The following LYZL2 variants were observed in gnomAD, a reference collection of about 807,000 sequenced individuals.
The protein encoded by LYZL2 is lysozyme-like protein 2.
A neutral mutation model predicts 17.1 loss-of-function variants in LYZL2; 13 were observed. The observed-to-expected ratio is 0.76, with a 90% CI of 0.49 to 1.21. The LOEUF (loss-of-function observed/expected upper bound fraction) is 1.21. LYZL2 is among the 50% of genes most tolerant of loss of function. The pLI is 0.00. For missense variants in LYZL2, 166 were observed against 189.2 expected, an observed-to-expected ratio of 0.88 and a Z score of 0.72; for synonymous variants, 63 against 74.4, an observed-to-expected ratio of 0.85 and a Z score of 0.79.
intron 3 of LYZL2, among the ~76,000 whole-genome samples, chr10:30,621,176 C>T (rs1007026147): frequency 1.1e-4 from 16 of 152,090 alleles, no homozygotes; most frequent in Admixed American, 7.9e-4. Flanking sequence ...AAGAGAAAAT[C>T]TTAAAAACAA....
chr10:30,615,859 G>A (rs1838519806), intron 3 of LYZL2, among the ~76,000 whole-genome samples: 1 of 149,652 alleles, frequency 6.7e-6, no homozygotes. Flanking sequence ...TGTCATCATG[G>A]AAAGTTCTAT....
chr10:30,618,763 T>C (rs1838574334), intron 3 of LYZL2, among the ~76,000 whole-genome samples: 1 of 152,174 alleles, frequency 6.6e-6, no homozygotes, highest in South Asian at 2.1e-4. Flanking sequence ...GACATAGGCA[T>C]GGGCAAGGAC....
chr10:30,611,701 A>AAAAAGAAAGAAAGAAAGAAAG, downstream of LYZL2: 1 of 314,334 alleles, frequency 3.2e-6, no homozygotes, highest in East Asian at 6.1e-5. Context: ...AGAAAGAAAG[A>AAAAAGAAAGAAAGAAAGAAAG]AAAAGAAAGA....
At chr10:30,621,515 T>A (rs1838618822) in intron 3 of LYZL2, among the ~76,000 whole-genome samples, 1 of 151,270 alleles carries the variant, frequency 6.6e-6, no homozygotes, top group Non-Finnish European at 1.5e-5. Context: ...GTCCAGGAGG[T>A]CAAGGCTGCA....
chr10:30,622,896 G>A (rs143627808), intron 3 of LYZL2, among the ~76,000 whole-genome samples: 4 of 152,170 alleles, frequency 2.6e-5, no homozygotes, highest in Non-Finnish European at 4.4e-5. Flanking sequence ...AACTCTACAT[G>A]ACTTATAAAT....
chr10:30,629,424 A>G (rs932212829), intron 1 of LYZL2, among the ~76,000 whole-genome samples, 169 bp downstream of exon 1: 4 of 152,098 alleles, frequency 2.6e-5, no homozygotes, highest in African/African-American at 9.7e-5. Context: ...AGAGCTTACA[A>G]ATAAGGTTGG....
In LYZL2 at chr10:30,622,895, T is replaced by C. The variant is rs565139037; in HGVS notation, c.298+3210A>G. Among the ~76,000 whole-genome samples the C allele has an allele frequency of 8.5e-5, 13 of 152,366 alleles. No homozygotes were observed. The South Asian group carries it at 2.5e-3, about 29-fold the overall frequency. ...TATAAAAGCAACACATAACTCTACA[T>C]GACTTATAAATAATTCACCTTAAAT... On this transcript the variant is annotated intron_variant, in intron 3 of 4. Coordinates refer to ENST00000647634, the MANE Select transcript of LYZL2 (RefSeq NM_183058.3).
chr10:30,611,776 G>T, downstream of LYZL2: 1 of 949,046 alleles, frequency 1.1e-6, no homozygotes, highest in Non-Finnish European at 1.5e-6. Flanking sequence ...AAAGGGAACC[G>T]AGTCAGGGTG....
downstream of LYZL2, among the ~76,000 whole-genome samples, chr10:30,610,341 A>G (rs1213452903): frequency 6.6e-6 from 1 of 152,140 alleles, no homozygotes; most frequent in African/African-American, 2.4e-5. Context: ...AAAAGCTTCA[A>G]TTGAAAAAAA....
rs531632371 is a variant in LYZL2, at chr10:30,621,841, A to T, written c.298+4264T>A. 4.7e-3 allele frequency among the ~76,000 whole-genome samples: 709 copies of T among 152,334 alleles called. 4 individuals carry two copies. Among genetic ancestry groups the T allele is most frequent in the African/African-American group, 0.016 (659 of 41,566 alleles). On this transcript the variant is annotated intron_variant, in intron 3 of 4. Transcript: ENST00000647634. ...GGAATGAAGAGTATTGGAAATAATAATGTGTAATAGATACTATAAAACTTT... is the reference window on the plus strand; with the variant it reads ...GGAATGAAGAGTATTGGAAATAATATTGTGTAATAGATACTATAAAACTTT...
At chr10:30,623,994 G>C (rs965373381) in intron 3 of LYZL2, among the ~76,000 whole-genome samples, 25 of 152,156 alleles carry the variant, frequency 1.6e-4, no homozygotes, top group African/African-American at 6.0e-4. Context: ...CTCAGGCTGG[G>C]CATTCCTCTT....
intron 3 of LYZL2, among the ~76,000 whole-genome samples, chr10:30,615,539 C>G (rs1192080447): frequency 2.0e-5 from 3 of 152,068 alleles, no homozygotes; most frequent in Non-Finnish European, 4.4e-5. Context: ...CTCTCTCTCT[C>G]TCTGTCTCTC....
At chr10:30,623,829 C>G (rs1430280885) in intron 3 of LYZL2, among the ~76,000 whole-genome samples, 3 of 152,172 alleles carry the variant, frequency 2.0e-5, no homozygotes, top group Non-Finnish European at 4.4e-5. Flanking sequence ...CTGAAACCAT[C>G]CTCCTCCCCC....
downstream of LYZL2, among the ~76,000 whole-genome samples, chr10:30,609,441 G>T (rs956333110): frequency 2.6e-5 from 4 of 152,208 alleles, no homozygotes; most frequent in African/African-American, 9.7e-5. Context: ...GTAGGGAAAT[G>T]ATATACTGGG....
intron 3 of LYZL2, among the ~76,000 whole-genome samples, chr10:30,623,180 G>A (rs554203748): frequency 6.6e-6 from 1 of 152,268 alleles, no homozygotes; most frequent in African/African-American, 2.4e-5. Context: ...AATAGACAAA[G>A]CTAAAATGAT....
At chr10:30,629,490 C>G in intron 1 of LYZL2, 103 bp downstream of exon 1, 1 of 1,136,154 alleles carries the variant, frequency 8.8e-7, no homozygotes, top group Non-Finnish European at 1.2e-6. Context: ...AAACAAAACC[C>G]GTAGCAATGA....
intron 3 of LYZL2, among the ~76,000 whole-genome samples, chr10:30,615,593 A>G (rs1838514998): frequency 6.6e-6 from 1 of 152,120 alleles, no homozygotes; most frequent in Non-Finnish European, 1.5e-5. Context: ...ATGTGAGGTA[A>G]TGTTAAACTC....
At position 30,629,578 on chromosome 10, in the gene LYZL2, T is replaced by C. The variant is rs762153446; in HGVS notation, c.-26+15A>G. ...TCAGGGACAGGTGGCTTCATAAGAG[T>C]AATTTAGGTCTTACTGAAAAGGCAG... On this transcript the variant is annotated intron_variant, in intron 1 of 4. Coordinates refer to ENST00000647634, the MANE Select transcript of LYZL2 (RefSeq NM_183058.3). 6 of 1,612,920 alleles carry C rather than the reference T, an allele frequency of 3.7e-6. No homozygotes were observed. The highest frequency in any genetic ancestry group is 5.1e-6 in the Non-Finnish European group (6 of 1,179,144).
intron 3 of LYZL2, among the ~76,000 whole-genome samples, chr10:30,624,768 G>A (rs1745823157): frequency 6.6e-6 from 1 of 152,174 alleles, no homozygotes; most frequent in Non-Finnish European, 1.5e-5. Context: ...TTGAACTCCT[G>A]GCCTAAGGTG....
Sources: gnomAD v4.1 joint callset for allele counts (sites outside exome capture counted in the v4.1 genomes callset) on GRCh38, gnomAD v4.1.1 for gene constraint, MANE v1.5 for transcripts, NCBI Gene and HGNC (gene_info 2026-07-23, HGNC 2026-07-21) for gene names.